Variants in HECW2 observed in about 807,000 individuals in gnomAD.
HECW2 encodes HECT, C2 and WW domain containing E3 ubiquitin protein ligase 2.
In HECW2, 61 loss-of-function variants were observed where a neutral mutation model predicts 175.2. That is an observed-to-expected ratio of 0.35 (90% confidence interval 0.28 to 0.43). The LOEUF (loss-of-function observed/expected upper bound fraction) is 0.43. Ranked by LOEUF, HECW2 falls within the 20% of genes least tolerant of loss-of-function variation. The pLI, the probability that HECW2 is intolerant of heterozygous loss-of-function variation, is 1.00. For synonymous variants in HECW2, 671 were observed against 731.0 expected (o/e 0.92, Z 1.32); for missense variants, 1,524 against 2,000.5 (o/e 0.76, Z 4.54).
chr2:196,334,605 C>T (rs973823483), intron 3 of HECW2, 87 bp from the exon 4 acceptor site: 4 of 1,016,026 alleles, frequency 3.9e-6, no homozygotes, highest in Admixed American at 4.1e-5. Context: ...TACCACCTCT[C>T]AGGGAATCCT....
At chr2:196,478,255 G>A (rs984901339) in intron 1 of HECW2, among the ~76,000 whole-genome samples, 3 of 152,166 alleles carry the variant, frequency 2.0e-5, no homozygotes, top group African/African-American at 4.8e-5. Context: ...ACCTGATCTA[G>A]GCTCTGAGGA....
chr2:196,379,139 C>T (rs1037966115), intron 2 of HECW2, among the ~76,000 whole-genome samples: 2 of 151,242 alleles, frequency 1.3e-5, no homozygotes, highest in African/African-American at 4.9e-5. Flanking sequence ...ACAGTTGTCA[C>T]TGGCACTGTG....
At chr2:196,473,653 T>C (rs1297128726) in intron 1 of HECW2, among the ~76,000 whole-genome samples, 1 of 152,240 alleles carries the variant, frequency 6.6e-6, no homozygotes, top group Non-Finnish European at 1.5e-5. Flanking sequence ...GCCAACTTTC[T>C]ACAGACCAAA....
chr2:196,317,277 G>T lies in HECW2; in HGVS notation c.2431C>A (p.Pro811Thr). 1 of 1,610,870 alleles carries T rather than the reference G, an allele frequency of 6.2e-7. No homozygotes were observed. The highest frequency in any genetic ancestry group is 1.1e-5 in the South Asian group (1 of 90,194). The change falls in exon 10 of 29, where the codon CCA (proline) becomes ACA (threonine). Residue 811 changes from proline (P) to threonine (T), a missense_variant. By Grantham distance (38) the Pro-to-Thr change is conservative. Around this residue, in one of 11 missense-constraint regions of HECW2, gnomAD observed 82 missense variants for 124.4 expected, o/e 0.66. Coordinates refer to ENST00000644978, the MANE Select transcript of HECW2 (RefSeq NM_001348768.2). ...RYQRVDEALP[P>T]NWEARIDSHG... ...CTTTTAACTAACAGGTCCTCACTTGGTGGGAGAGCCTCGTCCACCCTCTGG... is the reference window on the plus strand; with the variant it reads ...CTTTTAACTAACAGGTCCTCACTTGTTGGGAGAGCCTCGTCCACCCTCTGG...
At chr2:196,221,379 T>TA (rs1297347124) in intron 24 of HECW2, among the ~76,000 whole-genome samples, 1 of 152,194 alleles carries the variant, frequency 6.6e-6, no homozygotes, top group Non-Finnish European at 1.5e-5. Context: ...GAAAAGCAGC[T>TA]AAAGATTAAT....
intron 1 of HECW2, among the ~76,000 whole-genome samples, chr2:196,585,554 CTCCTT>C (rs1354802352): frequency 6.6e-6 from 1 of 152,198 alleles, no homozygotes; most frequent in Non-Finnish European, 1.5e-5. Flanking sequence ...TCCCTAGGGG[CTCCTT>C]TCCCTTGTTC....
chr2:196,422,825 G>T (rs1695442429), intron 2 of HECW2, among the ~76,000 whole-genome samples: 1 of 152,002 alleles, frequency 6.6e-6, no homozygotes, highest in African/African-American at 2.4e-5. Context: ...TTAGGATCGG[G>T]CACTCTTAAC....
chr2:196,248,597 G>GACACAAACACACAC (rs1553636702), intron 19 of HECW2, among the ~76,000 whole-genome samples: 23 of 143,922 alleles, frequency 1.6e-4, no homozygotes, highest in African/African-American at 5.2e-4. Context: ...GAGACAGACA[G>GACACAAACACACAC]ACACACACAC....
intron 1 of HECW2, among the ~76,000 whole-genome samples, chr2:196,481,197 A>C (rs1328404310): frequency 1.3e-5 from 2 of 152,202 alleles, no homozygotes; most frequent in East Asian, 3.8e-4. Context: ...AATGTTTTTT[A>C]AAAGATCTTT....
In HECW2 at chr2:196,241,518, A is replaced by G. The variant is rs540019957; in HGVS notation, c.3650+566T>C. On this transcript the variant is annotated intron_variant, in intron 20 of 28. Coordinates refer to ENST00000644978, the MANE Select transcript of HECW2 (RefSeq NM_001348768.2). ...CTGATCTCCAGTGGGGACGTGGGAC[A>G]GGGGTGAAGGCAGGGAGGAGAGAAA... Among the ~76,000 whole-genome samples the G allele has an allele frequency of 1.2e-4, 18 of 152,292 alleles. No homozygotes were observed. The East Asian group carries it at 3.5e-3, about 29-fold the overall frequency.
intron 19 of HECW2, among the ~76,000 whole-genome samples, chr2:196,251,773 C>T (rs1042102533): frequency 1.3e-5 from 2 of 152,154 alleles, no homozygotes; most frequent in African/African-American, 4.8e-5. Context: ...ATGCAATGGC[C>T]TCTCTGAGAA....
intron 13 of HECW2, among the ~76,000 whole-genome samples, chr2:196,302,121 C>T (rs111923307): frequency 0.022 from 3,302 of 152,240 alleles, 125 homozygotes; most frequent in African/African-American, 0.074. Flanking sequence ...GTTCTCCCAC[C>T]ACCACTTATT....
chr2:196,308,509 G>A (rs1691357165), intron 10 of HECW2, among the ~76,000 whole-genome samples: 1 of 152,104 alleles, frequency 6.6e-6, no homozygotes, highest in East Asian at 1.9e-4. Context: ...CTCATAGCTG[G>A]AGACTTCCAC....
intron 1 of HECW2, among the ~76,000 whole-genome samples, chr2:196,488,891 A>G (rs1204530511): frequency 6.6e-6 from 1 of 152,234 alleles, no homozygotes; most frequent in African/African-American, 2.4e-5. Flanking sequence ...GTGCCTACAC[A>G]TAAGAAGCAC....
At chr2:196,352,195 A>T (rs1344725556) in intron 2 of HECW2, among the ~76,000 whole-genome samples, 1 of 152,150 alleles carries the variant, frequency 6.6e-6, no homozygotes, top group Admixed American at 6.5e-5. Context: ...TGGAGACAAG[A>T]GTGTGTCTGA....
chr2:196,284,236 T>C (rs1339299563), intron 14 of HECW2, among the ~76,000 whole-genome samples: 1 of 152,242 alleles, frequency 6.6e-6, no homozygotes, highest in Non-Finnish European at 1.5e-5. Flanking sequence ...CAGCATGCTC[T>C]ACATACTGCG....
At chr2:196,294,070 T>C (rs1690711685) in intron 13 of HECW2, among the ~76,000 whole-genome samples, 1 of 152,198 alleles carries the variant, frequency 6.6e-6, no homozygotes, top group Non-Finnish European at 1.5e-5. Context: ...GTTGGATGTA[T>C]ATGAATGAAA....
intron 14 of HECW2, among the ~76,000 whole-genome samples, chr2:196,280,311 G>T (rs891388116): frequency 1.3e-5 from 2 of 152,008 alleles, no homozygotes; most frequent in Non-Finnish European, 2.9e-5. Flanking sequence ...AGAGATGAAG[G>T]TATCTAGGCA....
chr2:196,544,320 A>G (rs1179318988), intron 1 of HECW2, among the ~76,000 whole-genome samples: 3 of 152,210 alleles, frequency 2.0e-5, no homozygotes, highest in Non-Finnish European at 4.4e-5. Context: ...TGAGCCCCTG[A>G]AAGGCAGGCT....
Sources: gnomAD v4.1 joint callset for allele counts (sites outside exome capture counted in the v4.1 genomes callset) on GRCh38, gnomAD v4.1.1 for gene constraint, gnomAD v4.1.1 regional missense constraint, MANE v1.5 for transcripts, NCBI Gene and HGNC (gene_info 2026-07-23, HGNC 2026-07-21) for gene names.